The following SHROOM4 variants were observed in gnomAD, a reference collection of about 807,000 sequenced individuals.
SHROOM4 encodes shroom family member 4, also known as protein Shroom4.
In SHROOM4, 17 loss-of-function variants were observed where a neutral mutation model predicts 80.3. The ratio of observed to expected loss-of-function variants is 0.21; its 90% CI spans 0.14 to 0.32. The LOEUF is 0.32. Ranked by LOEUF, SHROOM4 falls within the 10% of genes least tolerant of loss-of-function variation. The probability of loss-of-function intolerance (pLI) is 1.00; values close to 1 mark genes in which losing one functional copy is unlikely to be tolerated. For synonymous variants in SHROOM4, 400 were observed against 437.5 expected, an observed-to-expected ratio of 0.91 and a Z score of 1.07; for missense variants, 993 against 1,140.3, an observed-to-expected ratio of 0.87 and a Z score of 1.86.
At chrX:50,784,784 A>G (rs1557270906) in intron 1 of SHROOM4, among the ~76,000 whole-genome samples, 1 of 112,412 alleles carries the variant, frequency 8.9e-6, no homozygotes, top group East Asian at 2.8e-4. Flanking sequence ...AAAATTCAAA[A>G]TTAAAACATT....
chrX:50,740,225 T>C (rs1557267114), intron 1 of SHROOM4, among the ~76,000 whole-genome samples: 1 of 101,071 alleles, frequency 9.9e-6, no homozygotes, highest in Non-Finnish European at 2.0e-5. Context: ...GAGATATACC[T>C]AATGCTAAAT....
intron 5 of SHROOM4, among the ~76,000 whole-genome samples, chrX:50,620,982 A>G (rs1325030625): frequency 9.0e-6 from 1 of 111,489 alleles, no homozygotes; most frequent in Non-Finnish European, 1.9e-5. Context: ...TTTGTTGTAC[A>G]AAGGCTTCCC....
rs781983542 is a variant in SHROOM4 at position 50,634,340 on chromosome X, G to A, written c.1733C>T (p.Ser578Leu). 11 of 1,208,545 alleles carry A rather than the reference G, an allele frequency of 9.1e-6. No individual in the cohort carries two copies. Among genetic ancestry groups the A allele is most frequent in the Non-Finnish European group, 1.1e-5 (10 of 894,924 alleles). ...GRRSGGTRGR[S>L]IQNRRKSERF... ...CTCACTCTTCCGCCGGTTTTGGATC[G>A]AGCGGCCCCGGGTCCCTCCACTTCG... Residue 578 changes from serine to leucine, a missense_variant, in exon 4 of 9, where the codon TCG (serine) becomes TTG (leucine). By Grantham distance (145) the Ser-to-Leu change is moderately radical. Coordinates refer to ENST00000376020, the MANE Select transcript of SHROOM4 (RefSeq NM_020717.5).
chrX:50,614,485 T>C (rs1163005092), intron 5 of SHROOM4, among the ~76,000 whole-genome samples: 3 of 112,507 alleles, frequency 2.7e-5, no homozygotes, highest in Non-Finnish European at 3.8e-5. Context: ...AAATGACTTA[T>C]CAATTTACCA....
At chrX:50,727,840 G>A (rs782395197) in intron 1 of SHROOM4, among the ~76,000 whole-genome samples, 13 of 112,076 alleles carry the variant, frequency 1.2e-4, no homozygotes, top group South Asian at 3.8e-4. Flanking sequence ...GAAACAGGCC[G>A]CTCTTGCTAC....
chrX:50,779,259 G>A (rs1935574170), intron 1 of SHROOM4, among the ~76,000 whole-genome samples: 1 of 111,262 alleles, frequency 9.0e-6, no homozygotes, highest in Admixed American at 9.6e-5. Context: ...CAGGTCTGAG[G>A]GATTTCAGAG....
chrX:50,655,877 C>T (rs1252239279), intron 2 of SHROOM4, among the ~76,000 whole-genome samples: 2 of 110,974 alleles, frequency 1.8e-5, no homozygotes, highest in Non-Finnish European at 3.8e-5. Flanking sequence ...ATTTACATTT[C>T]TACCAATAGT....
rs1396986180 is a variant in SHROOM4, at chrX:50,669,116, C to G, written c.269+26670G>C. Among the ~76,000 whole-genome samples the G allele has an allele frequency of 2.7e-5, 3 of 112,342 alleles. No individual in the cohort carries two copies. In the East Asian group the frequency reaches 8.4e-4, roughly 31 times the overall value. On this transcript the variant is annotated intron_variant, in intron 2 of 8. Transcript: ENST00000376020. Reference sequence around the variant, plus strand: ...CATAATCTTTTTGCTGGTGGAAGGTCTTGCCTTGATGTTGATGGCTACTGG... The same window carrying G: ...CATAATCTTTTTGCTGGTGGAAGGTGTTGCCTTGATGTTGATGGCTACTGG...
At chrX:50,710,357 T>C (rs1933781498) in intron 1 of SHROOM4, among the ~76,000 whole-genome samples, 2 of 111,946 alleles carry the variant, frequency 1.8e-5, no homozygotes, top group African/African-American at 6.5e-5. Context: ...GATCATGTCC[T>C]TTGTAGCAAC....
At chrX:50,636,873 G>A (rs1160667017) in intron 3 of SHROOM4, among the ~76,000 whole-genome samples, 1 of 111,852 alleles carries the variant, frequency 8.9e-6, no homozygotes, top group Admixed American at 9.5e-5. Context: ...AGGAATAATA[G>A]TAATAGCTAT....
chrX:50,611,107 G>T (rs940222780), intron 5 of SHROOM4, among the ~76,000 whole-genome samples: 2 of 107,763 alleles, frequency 1.9e-5, no homozygotes, highest in African/African-American at 6.8e-5. Flanking sequence ...ATGACAATAC[G>T]GTAACACTAG....
At chrX:50,787,475 A>G (rs1935767296) in intron 1 of SHROOM4, among the ~76,000 whole-genome samples, 1 of 111,044 alleles carries the variant, frequency 9.0e-6, no homozygotes, top group Admixed American at 9.6e-5. Context: ...GTAAAAAGAG[A>G]AAGAGTTCCA....
At chrX:50,606,746 C>T (rs1482996688) in intron 6 of SHROOM4, among the ~76,000 whole-genome samples, 4 of 110,667 alleles carry the variant, frequency 3.6e-5, no homozygotes, top group Non-Finnish European at 7.6e-5. Flanking sequence ...ATTACACACC[C>T]ACATGAATGC....
chrX:50,777,274 T>G (rs782744589), intron 1 of SHROOM4, among the ~76,000 whole-genome samples: 1 of 111,720 alleles, frequency 9.0e-6, no homozygotes, highest in African/African-American at 3.2e-5. Flanking sequence ...AATGAGATGC[T>G]TAGGTAATCA....
At chrX:50,651,739 TAA>T (rs1932077640) in intron 2 of SHROOM4, among the ~76,000 whole-genome samples, 3 of 109,172 alleles carry the variant, frequency 2.7e-5, no homozygotes, top group Non-Finnish European at 5.7e-5. Context: ...CCTAGCCCCT[TAA>T]CCCCCGACAT....
At chrX:50,730,903 TAAGA>T (rs1165191859) in intron 1 of SHROOM4, among the ~76,000 whole-genome samples, 1 of 110,233 alleles carries the variant, frequency 9.1e-6, no homozygotes, top group African/African-American at 3.3e-5. Context: ...TGTATTGGAG[TAAGA>T]AAACGATACC....
At chrX:50,808,502 A>G (rs1557273185) in intron 1 of SHROOM4, among the ~76,000 whole-genome samples, 1 of 111,691 alleles carries the variant, frequency 9.0e-6, no homozygotes, top group Non-Finnish European at 1.9e-5. Flanking sequence ...GGGAGCACTG[A>G]GTTAAGTCTG....
chrX:50,805,126 G>T (rs1936201606), intron 1 of SHROOM4, among the ~76,000 whole-genome samples: 1 of 111,252 alleles, frequency 9.0e-6, no homozygotes, highest in Admixed American at 9.6e-5. Context: ...AAACAGCAAG[G>T]CAGCCCAACA....
intron 1 of SHROOM4, among the ~76,000 whole-genome samples, chrX:50,813,170 G>GGCGGCGGCGGCGGCGGCGGCGGCA (rs1936382080): frequency 3.7e-5 from 4 of 108,023 alleles, no homozygotes; most frequent in Non-Finnish European, 5.8e-5. Context: ...TGGCGGCGGC[G>GGCGGCGGCGGCGGCGGCGGCGGCA]GCGGCGGCGG....
Sources: allele counts gnomAD v4.1 joint callset (sites outside exome capture counted in the v4.1 genomes callset), GRCh38; gene constraint gnomAD v4.1.1; transcripts MANE v1.5; gene names NCBI Gene and HGNC (gene_info 2026-07-23, HGNC 2026-07-21).